TCERG1L: variants seen among roughly 807,000 people sequenced by gnomAD.
The protein encoded by TCERG1L is transcription elongation regulator 1 like.
A neutral mutation model predicts 56.3 loss-of-function variants in TCERG1L; 37 were observed. That is an observed-to-expected ratio of 0.66 (90% CI 0.51 to 0.87). The LOEUF (loss-of-function observed/expected upper bound fraction) is 0.87, where lower values mean the gene tolerates loss of function less well. TCERG1L is among the 40% of genes least tolerant of loss of function. The pLI is 0.00. For missense variants in TCERG1L, 799 were observed against 774.2 expected (o/e 1.03, Z -0.38); for synonymous variants, 324 against 326.3 (o/e 0.99, Z 0.08).
At chr10:131,238,736 C>G (rs11596298) in intron 4 of TCERG1L, among the ~76,000 whole-genome samples, 14,969 of 152,242 alleles carry the variant, frequency 0.098, 847 homozygotes, top group African/African-American at 0.16. Context: ...ACCTGGTCCT[C>G]TTGCCAAATG....
At chr10:131,299,089 T>C (rs1846729967) in intron 3 of TCERG1L, among the ~76,000 whole-genome samples, 1 of 152,222 alleles carries the variant, frequency 6.6e-6, no homozygotes, top group African/African-American at 2.4e-5. Flanking sequence ...TTTTTATCCC[T>C]AGTAATACTT....
At chr10:131,289,022 G>A (rs189385715) in intron 3 of TCERG1L, among the ~76,000 whole-genome samples, 11 of 152,304 alleles carry the variant, frequency 7.2e-5, no homozygotes, top group Admixed American at 2.0e-4. Context: ...TCCCAAAAGT[G>A]ATACAAAATT....
intron 4 of TCERG1L, among the ~76,000 whole-genome samples, chr10:131,178,469 G>A (rs1484118382): frequency 6.6e-6 from 1 of 152,132 alleles, no homozygotes; most frequent in African/African-American, 2.4e-5. Flanking sequence ...GTGCTTTCAA[G>A]TCTCACCAAA....
chr10:131,192,358 A>G (rs1268898595), intron 4 of TCERG1L, among the ~76,000 whole-genome samples: 1 of 144,340 alleles, frequency 6.9e-6, no homozygotes, highest in East Asian at 1.9e-4. Flanking sequence ...GCCATTATTA[A>G]AAAGTCAGAA....
intron 4 of TCERG1L, among the ~76,000 whole-genome samples, chr10:131,246,861 C>T (rs1437246251): frequency 5.9e-5 from 9 of 152,202 alleles, no homozygotes; most frequent in Middle Eastern, 3.2e-3. Flanking sequence ...GCACACTCAG[C>T]GGACAGGACT....
chr10:131,215,955 G>A (rs1413864781), intron 4 of TCERG1L, among the ~76,000 whole-genome samples: 3 of 152,258 alleles, frequency 2.0e-5, no homozygotes, highest in Non-Finnish European at 2.9e-5. Context: ...ACCCACGAAC[G>A]CGCACTGTGG....
intron 4 of TCERG1L, among the ~76,000 whole-genome samples, chr10:131,237,879 GGCGTAT>G (rs1228363300): frequency 6.6e-6 from 1 of 152,178 alleles, no homozygotes; most frequent in Non-Finnish European, 1.5e-5. Flanking sequence ...AGAGTTGGCG[GGCGTAT>G]GCTCATTACT....
chr10:131,218,253 CACCAATACATCTA>C, intron 4 of TCERG1L, among the ~76,000 whole-genome samples: 1 of 152,298 alleles, frequency 6.6e-6, no homozygotes, highest in Middle Eastern at 3.4e-3. Flanking sequence ...TGTAAGAAAG[CACCAATACATCTA>C]ACCGATACGT....
rs186329201 is a variant in TCERG1L at position 131,308,373 on chromosome 10, A to T, written c.508T>A (p.Phe170Ile). The T allele has an allele frequency of 5.1e-5, 83 of 1,612,882 alleles. No homozygotes were observed. In the East Asian group the frequency reaches 1.6e-3, roughly 32 times the overall value. Residue 170 changes from phenylalanine to isoleucine, a missense_variant, in exon 3 of 12, where the codon TTT becomes ATT. Physicochemically the swap from Phe to Ile is conservative, Grantham distance 21. Coordinates refer to ENST00000368642, the MANE Select transcript of TCERG1L (RefSeq NM_174937.4). ...PNCKIFFNNSFALDSTWIHPE... is the reference protein window; with the variant it reads ...PNCKIFFNNSIALDSTWIHPE... ...TGTATCCACGTTGAGTCCAGAGCAA[A>T]GGAATTATTAAAAAAGATCTGTCGA...
At position 131,260,541 on chromosome 10, in the gene TCERG1L, A is replaced by C; in HGVS notation, c.671-97T>G. 1 of 1,291,680 alleles carries C rather than the reference A, an allele frequency of 7.7e-7. No homozygotes were observed. The highest frequency in any genetic ancestry group is 9.8e-7 in the Non-Finnish European group (1 of 1,016,886). The allele number at this position is 1,291,680 out of a possible 1,614,324, so 80.0% of individuals were successfully genotyped here. A position where few individuals can be genotyped will look rare whatever the true frequency, so the allele number is the denominator to read the frequency against. ...ACCGCAAGATATCAGCCCCCAGAAA[A>C]CAGGTGAGGGGGGCGCTACCCCTCT... On this transcript the variant is annotated intron_variant, in intron 3 of 11. Transcript: ENST00000368642. This position sits in a 1 kb window ranked among gnomAD's most constrained non-coding sequence, Gnocchi z 5.8.
At chr10:131,252,214 T>C (rs1489992539) in intron 4 of TCERG1L, among the ~76,000 whole-genome samples, 1 of 152,212 alleles carries the variant, frequency 6.6e-6, no homozygotes. Flanking sequence ...AATGCTGCTA[T>C]GAACATGGGT....
chr10:131,265,216 T>A (rs1178676418), intron 3 of TCERG1L, among the ~76,000 whole-genome samples: 5 of 152,236 alleles, frequency 3.3e-5, no homozygotes, highest in Non-Finnish European at 7.3e-5. Flanking sequence ...TTTACCACCA[T>A]GTGATTTTGT....
chr10:131,246,520 G>T (rs1035434112), intron 4 of TCERG1L, among the ~76,000 whole-genome samples: 4 of 152,148 alleles, frequency 2.6e-5, no homozygotes, highest in African/African-American at 9.7e-5. Context: ...GTTATGATGA[G>T]AGGAGGCATT....
At chr10:131,144,784 C>T (rs1845776988) in intron 7 of TCERG1L, among the ~76,000 whole-genome samples, 1 of 152,126 alleles carries the variant, frequency 6.6e-6, no homozygotes, top group African/African-American at 2.4e-5. Context: ...GGTTGTAAAA[C>T]CTTAACTCTC....
At chr10:131,130,618 A>T (rs1352765511) in intron 8 of TCERG1L, among the ~76,000 whole-genome samples, 1 of 152,256 alleles carries the variant, frequency 6.6e-6, no homozygotes, top group Non-Finnish European at 1.5e-5. Context: ...GATCACGCTG[A>T]AGAGTTAACC....
chr10:131,191,682 A>G (rs1286063380), intron 4 of TCERG1L, among the ~76,000 whole-genome samples: 1 of 141,484 alleles, frequency 7.1e-6, no homozygotes, highest in East Asian at 1.9e-4. Context: ...CCCATTTCTC[A>G]CCACATAACA....
intron 4 of TCERG1L, among the ~76,000 whole-genome samples, chr10:131,167,423 C>T (rs546734993): frequency 1.6e-4 from 24 of 152,372 alleles, no homozygotes; most frequent in African/African-American, 5.3e-4. Flanking sequence ...AGTCAGGAGC[C>T]TCCTCCAGTG....
chr10:131,289,343 TAC>T (rs962700810), intron 3 of TCERG1L, among the ~76,000 whole-genome samples: 1 of 110,430 alleles, frequency 9.1e-6, no homozygotes, highest in Admixed American at 9.4e-5. Context: ...GATTATAAAA[TAC>T]AGACTCATTA....
intron 4 of TCERG1L, among the ~76,000 whole-genome samples, chr10:131,211,574 A>C (rs1345663969): frequency 6.6e-6 from 1 of 152,260 alleles, no homozygotes; most frequent in African/African-American, 2.4e-5. Context: ...CCCCAGCCAG[A>C]GAGCCAGTTT....
Sources: gnomAD v4.1 joint callset for allele counts (sites outside exome capture counted in the v4.1 genomes callset) on GRCh38, gnomAD v4.1.1 for gene constraint, Gnocchi (gnomAD v3.1) non-coding constraint, MANE v1.5 for transcripts, NCBI Gene and HGNC (gene_info 2026-07-23, HGNC 2026-07-21) for gene names.